MGAT4C: variants seen among roughly 807,000 people sequenced by gnomAD.
MGAT4C encodes the protein MGAT4 family member C.
MGAT4C carries 19 observed loss-of-function variants against 40.1 expected under a neutral mutation model. The ratio of observed to expected loss-of-function variants is 0.47; its 90% CI spans 0.33 to 0.70. The LOEUF (loss-of-function observed/expected upper bound fraction) is 0.70, where lower values mean the gene tolerates loss of function less well. Ranked by LOEUF, MGAT4C falls within the 30% of genes least tolerant of loss-of-function variation. The pLI is 0.02. For synonymous variants in MGAT4C, 181 were observed against 187.1 expected (o/e 0.97, Z 0.27); for missense variants, 491 against 563.2 (o/e 0.87, Z 1.30).
Position 86,719,400 on chromosome 12 carries a change from CTG to C in MGAT4C, c.-229+7807_-229+7808del, listed in dbSNP as rs2136642154. 2.0e-5 allele frequency among the ~76,000 whole-genome samples: 3 copies of C among 152,242 alleles called. No homozygotes were observed. The East Asian group carries it at 5.8e-4, about 29-fold the overall frequency. ...TCTATGATCTAAAGAGACAAGTTAT[CTG>C]CCCACCATATAGCTAACATACAATG... is the stretch of plus-strand genomic sequence containing the variant. On this transcript the variant is annotated intron_variant, in intron 2 of 7. Transcript: ENST00000548651.
chr12:86,053,826 G>A (rs760810522), intron 1 of MGAT4C, among the ~76,000 whole-genome samples: 1 of 151,614 alleles, frequency 6.6e-6, no homozygotes, highest in African/African-American at 2.4e-5. Flanking sequence ...ATGACCAACA[G>A]GTATATACAT....
At chr12:86,101,751 A>C (rs904529712) in intron 1 of MGAT4C, among the ~76,000 whole-genome samples, 1 of 151,884 alleles carries the variant, frequency 6.6e-6, no homozygotes. Flanking sequence ...TTTAGTCTAA[A>C]TACTCAGAAA....
intron 2 of MGAT4C, among the ~76,000 whole-genome samples, chr12:86,456,523 G>A (rs1329293185): frequency 6.6e-6 from 1 of 152,090 alleles, no homozygotes; most frequent in Non-Finnish European, 1.5e-5. Flanking sequence ...AGCATCTAGA[G>A]TTGGAGAGAT....
chr12:86,224,413 GA>G (rs1161506793), intron 1 of MGAT4C, among the ~76,000 whole-genome samples: 3 of 151,108 alleles, frequency 2.0e-5, no homozygotes, highest in Non-Finnish European at 3.0e-5. Context: ...GAAAATCAAT[GA>G]AAAAAAAGGG....
chr12:86,815,646 A>C (rs999770105), intron 1 of MGAT4C, among the ~76,000 whole-genome samples: 4 of 151,262 alleles, frequency 2.6e-5, no homozygotes, highest in Admixed American at 2.0e-4. Context: ...ATATTATATA[A>C]TTTATATTAT....
chr12:86,377,749 G>A (rs1318504225), intron 3 of MGAT4C, among the ~76,000 whole-genome samples: 1 of 152,028 alleles, frequency 6.6e-6, no homozygotes, highest in Non-Finnish European at 1.5e-5. Flanking sequence ...GCAATTCAGT[G>A]ATATGACTAC....
rs546731332 is a variant in MGAT4C, at chr12:86,493,154, C to T, written c.-228-57889G>A. ...TTAAAAAGTCAGGAAACAACAGGTG[C>T]TGTAGAGGATGTGGAGAAATAGGAA... On this transcript the variant is annotated intron_variant, in intron 2 of 7. Transcript: ENST00000548651. Among the ~76,000 whole-genome samples, 20 of 150,796 alleles carry T rather than the reference C, an allele frequency of 1.3e-4. No homozygotes were observed. The South Asian group carries it at 3.9e-3, about 30-fold the overall frequency.
intron 1 of MGAT4C, among the ~76,000 whole-genome samples, chr12:86,237,313 A>G (rs1450123772): frequency 6.6e-6 from 1 of 151,792 alleles, no homozygotes; most frequent in Non-Finnish European, 1.5e-5. Context: ...ACGTTTTCTT[A>G]TCAATAAAAT....
At chr12:86,194,897 T>C (rs961764509) in intron 1 of MGAT4C, among the ~76,000 whole-genome samples, 3 of 152,194 alleles carry the variant, frequency 2.0e-5, no homozygotes, top group Non-Finnish European at 4.4e-5. Context: ...CCATCTTCTT[T>C]GGCAGGTCTT....
At chr12:86,691,113 T>A (rs1243803903) in intron 2 of MGAT4C, among the ~76,000 whole-genome samples, 1 of 152,212 alleles carries the variant, frequency 6.6e-6, no homozygotes, top group Non-Finnish European at 1.5e-5. Context: ...TCCTATGATC[T>A]GTCTATATTC....
chr12:86,797,869 T>C (rs1266924004), intron 1 of MGAT4C, among the ~76,000 whole-genome samples: 1 of 151,914 alleles, frequency 6.6e-6, no homozygotes, highest in African/African-American at 2.4e-5. Context: ...AAGTCTGCCT[T>C]TCTTTAATCT....
At chr12:86,388,403 G>A (rs1031226741) in intron 3 of MGAT4C, among the ~76,000 whole-genome samples, 6 of 152,048 alleles carry the variant, frequency 3.9e-5, no homozygotes, top group African/African-American at 1.4e-4. Context: ...AGGTTGGAAT[G>A]AGAAGTTAGC....
At chr12:86,711,194 A>G (rs1465952182) in intron 2 of MGAT4C, among the ~76,000 whole-genome samples, 1 of 152,120 alleles carries the variant, frequency 6.6e-6, no homozygotes, top group Non-Finnish European at 1.5e-5. Context: ...ATAAAAATAT[A>G]AATTAGTTAT....
At chr12:86,806,545 AG>A (rs1952358635) in intron 1 of MGAT4C, among the ~76,000 whole-genome samples, 1 of 151,908 alleles carries the variant, frequency 6.6e-6, no homozygotes, top group Non-Finnish European at 1.5e-5. Flanking sequence ...TTTACTGAAC[AG>A]TTCCATTACC....
Position 86,716,233 on chromosome 12 carries a change from A to G in MGAT4C, c.-229+10976T>C, listed in dbSNP as rs558655470. On this transcript the variant is annotated intron_variant, in intron 2 of 7. Coordinates refer to the MGAT4C transcript ENST00000548651. ...AAACAGGACAAACTATTAATTTACT[A>G]TTAATTAAAACTACTGAATTTGTGC... Among the ~76,000 whole-genome samples the G allele has an allele frequency of 2.0e-3, 297 of 152,262 alleles. 2 individuals are homozygous for G. Among genetic ancestry groups the G allele is most frequent in the African/African-American group, 7.0e-3 (293 of 41,576 alleles).
chr12:86,826,779 A>G (rs979241953), intron 1 of MGAT4C, among the ~76,000 whole-genome samples: 10 of 151,478 alleles, frequency 6.6e-5, no homozygotes, highest in Middle Eastern at 3.4e-3. Flanking sequence ...ATCTAGTTAA[A>G]CTGAAACAAA....
chr12:86,194,586 C>A (rs1234145139), intron 1 of MGAT4C, among the ~76,000 whole-genome samples: 2 of 151,624 alleles, frequency 1.3e-5, no homozygotes, highest in Non-Finnish European at 2.9e-5. Context: ...TCCCTAGTAG[C>A]TGGGATTACA....
In MGAT4C at chr12:85,968,331, G is replaced by C. The variant is rs1047865037; in HGVS notation, c.*10958C>G. 5 of 151,936 alleles carry C rather than the reference G, an allele frequency of 3.3e-5. No homozygotes were observed. The highest frequency in any genetic ancestry group is 5.9e-5 in the Non-Finnish European group (4 of 67,924). The allele number at this position is 151,936 out of a possible 1,614,324, so 9.4% of individuals were successfully genotyped here. Reference sequence around the variant, plus strand: ...AATATCTACAAAGATGTCATCATTAGATTTTATGTGTTAAAAAGTGGATTT... The same window carrying C: ...AATATCTACAAAGATGTCATCATTACATTTTATGTGTTAAAAAGTGGATTT... On this transcript the variant is annotated 3_prime_UTR_variant, in exon 5 of 5. Coordinates refer to ENST00000611864, the MANE Select transcript of MGAT4C (RefSeq NM_001351288.2).
chr12:86,083,781 A>G (rs1871267135), intron 1 of MGAT4C, among the ~76,000 whole-genome samples: 1 of 152,114 alleles, frequency 6.6e-6, no homozygotes, highest in East Asian at 1.9e-4. Flanking sequence ...ATTCATGTTC[A>G]GAAGACTTAT....
Sources: allele counts gnomAD v4.1 joint callset (sites outside exome capture counted in the v4.1 genomes callset), GRCh38; gene constraint gnomAD v4.1.1; transcripts MANE v1.5; gene names NCBI Gene and HGNC (gene_info 2026-07-23, HGNC 2026-07-21).